Variants in RBFOX1 observed in about 807,000 individuals in gnomAD.
RBFOX1 encodes RNA binding protein fox-1 homolog 1.
A neutral mutation model predicts 57.7 loss-of-function variants in RBFOX1; 8 were observed. That is an observed-to-expected ratio of 0.14 (90% confidence interval 0.08 to 0.25). The LOEUF is 0.25. Ranked by LOEUF, RBFOX1 falls within the 10% of genes least tolerant of loss-of-function variation. The probability of loss-of-function intolerance (pLI) is 1.00; values close to 1 mark genes in which losing one functional copy is unlikely to be tolerated. For synonymous variants in RBFOX1, 326 were observed against 222.4 expected, an observed-to-expected ratio of 1.47 and a Z score of -4.15; for missense variants, 611 against 548.5, an observed-to-expected ratio of 1.11 and a Z score of -1.14.
chr16:6,642,243 T>G (rs1158012184), intron 2 of RBFOX1, among the ~76,000 whole-genome samples: 1 of 152,202 alleles, frequency 6.6e-6, no homozygotes, highest in African/African-American at 2.4e-5. Flanking sequence ...AGCTGACATC[T>G]CGAGAAGTAT....
intron 4 of RBFOX1, among the ~76,000 whole-genome samples, chr16:7,194,139 A>T (rs1055208039): frequency 6.6e-6 from 1 of 152,106 alleles, no homozygotes; most frequent in Non-Finnish European, 1.5e-5. Flanking sequence ...GAAAGTCTTT[A>T]TTTGGTACTA....
chr16:6,555,160 A>G (rs890902377), intron 2 of RBFOX1, among the ~76,000 whole-genome samples: 2 of 152,126 alleles, frequency 1.3e-5, no homozygotes, highest in South Asian at 2.1e-4. Flanking sequence ...CTGCATTTCT[A>G]TCATAAATAC....
chr16:5,305,441 G>A (rs2063909383), intron 1 of RBFOX1, among the ~76,000 whole-genome samples: 1 of 152,064 alleles, frequency 6.6e-6, no homozygotes, highest in Admixed American at 6.6e-5. Context: ...ATGATGGGGG[G>A]CTGTTTTCAT....
At chr16:6,423,145 G>A (rs1281444542) in intron 2 of RBFOX1, among the ~76,000 whole-genome samples, 2 of 152,188 alleles carry the variant, frequency 1.3e-5, no homozygotes, top group Non-Finnish European at 1.5e-5. Flanking sequence ...CTCCCAGGTT[G>A]CTGCTGTTCA....
At chr16:7,088,921 C>G (rs2060391015) in intron 4 of RBFOX1, among the ~76,000 whole-genome samples, 1 of 152,176 alleles carries the variant, frequency 6.6e-6, no homozygotes, top group Admixed American at 6.5e-5. Context: ...TATCCGCTTC[C>G]CTCCAGTCCC....
intron 2 of RBFOX1, among the ~76,000 whole-genome samples, chr16:6,384,078 T>C (rs1004331343): frequency 1.6e-4 from 20 of 125,802 alleles, no homozygotes; most frequent in Admixed American, 3.2e-4. Context: ...TTTTTTTTTT[T>C]CTTCTAAGAT....
intron 2 of RBFOX1, among the ~76,000 whole-genome samples, chr16:6,494,950 C>A (rs1049994790): frequency 6.6e-6 from 1 of 152,088 alleles, no homozygotes; most frequent in Admixed American, 6.6e-5. Flanking sequence ...TCAGAGCAGC[C>A]TTATGAAGTA....
intron 4 of RBFOX1, among the ~76,000 whole-genome samples, chr16:7,099,245 A>T (rs1042467002): frequency 1.3e-5 from 2 of 152,176 alleles, no homozygotes; most frequent in Non-Finnish European, 2.9e-5. Flanking sequence ...GGGAGGGTAG[A>T]TACAGGGCAG....
intron 2 of RBFOX1, among the ~76,000 whole-genome samples, chr16:6,589,335 AGC>A (rs2097677161): frequency 6.6e-6 from 1 of 152,226 alleles, no homozygotes; most frequent in Non-Finnish European, 1.5e-5. Flanking sequence ...ATGGGAGACC[AGC>A]GTGTTGTTAT....
chr16:5,317,065 G>A (rs1282475833), intron 1 of RBFOX1, among the ~76,000 whole-genome samples: 1 of 152,096 alleles, frequency 6.6e-6, no homozygotes, highest in African/African-American at 2.4e-5. Flanking sequence ...AGCCTCCTGG[G>A]CTCTCAGGCC....
At chr16:6,746,024 G>C (rs895746830) in intron 3 of RBFOX1, among the ~76,000 whole-genome samples, 1 of 152,118 alleles carries the variant, frequency 6.6e-6, no homozygotes, top group East Asian at 1.9e-4. Context: ...ATTTGCAATA[G>C]CATTTTGAAC....
intron 11 of RBFOX1, among the ~76,000 whole-genome samples, chr16:7,641,389 T>C (rs1007564263): frequency 2.6e-5 from 4 of 152,234 alleles, no homozygotes; most frequent in African/African-American, 9.6e-5. Flanking sequence ...ATCATGTTTT[T>C]ATATAAAAGA....
chr16:5,356,110 C>T (rs138389402), intron 1 of RBFOX1, among the ~76,000 whole-genome samples: 3 of 152,074 alleles, frequency 2.0e-5, no homozygotes, highest in African/African-American at 7.2e-5. Context: ...TAAAGGAAGA[C>T]GTGAGGCATA....
intron 3 of RBFOX1, among the ~76,000 whole-genome samples, chr16:6,698,681 C>A (rs573739251): frequency 6.6e-6 from 1 of 152,150 alleles, no homozygotes; most frequent in Admixed American, 6.5e-5. Context: ...TCACATTATT[C>A]TATGCTATTT....
At chr16:7,641,831 C>G (rs1170601229) in intron 11 of RBFOX1, among the ~76,000 whole-genome samples, 1 of 152,170 alleles carries the variant, frequency 6.6e-6, no homozygotes, top group East Asian at 1.9e-4. Flanking sequence ...CCATGACTAC[C>G]TACCTACCCA....
At chr16:5,530,051 T>C (rs1341426469) in intron 2 of RBFOX1, among the ~76,000 whole-genome samples, 1 of 152,112 alleles carries the variant, frequency 6.6e-6, no homozygotes, top group Admixed American at 6.5e-5. Context: ...CTTTCAGGCT[T>C]TTAGCATCCA....
chr16:5,917,344 C>T (rs930229118), intron 4 of RBFOX1, among the ~76,000 whole-genome samples: 2 of 152,220 alleles, frequency 1.3e-5, no homozygotes, highest in African/African-American at 2.4e-5. Context: ...GGACATGCTG[C>T]TAAGCACTTT....
chr16:7,537,603 A>T (rs890932630), intron 5 of RBFOX1, among the ~76,000 whole-genome samples: 8 of 152,208 alleles, frequency 5.3e-5, no homozygotes, highest in African/African-American at 1.9e-4. Context: ...AAGACATCGT[A>T]AAAAGATCTA....
intron 4 of RBFOX1, among the ~76,000 whole-genome samples, chr16:7,105,490 T>C (rs748341410): frequency 2.2e-4 from 33 of 152,058 alleles, no homozygotes; most frequent in Non-Finnish European, 4.7e-4. Flanking sequence ...TTCCACCCTT[T>C]CCCCTGAGTC....
Sources: allele counts gnomAD v4.1 joint callset (sites outside exome capture counted in the v4.1 genomes callset), GRCh38; gene constraint gnomAD v4.1.1; transcripts MANE v1.5; gene names NCBI Gene and HGNC (gene_info 2026-07-23, HGNC 2026-07-21).